CPEB2: variants seen among roughly 807,000 people sequenced by gnomAD.
CPEB2 encodes the protein cytoplasmic polyadenylation element binding protein 2, also known as cytoplasmic polyadenylation element-binding protein 2.
A neutral mutation model predicts 93.6 loss-of-function variants in CPEB2; 56 were observed. The ratio of observed to expected loss-of-function variants is 0.60; its 90% CI spans 0.48 to 0.75. CPEB2 has a LOEUF of 0.75. Ranked by LOEUF, CPEB2 falls within the 30% of genes least tolerant of loss-of-function variation. The pLI, the probability that CPEB2 is intolerant of heterozygous loss-of-function variation, is 0.00. For synonymous variants in CPEB2, 764 were observed against 586.3 expected (o/e 1.30, Z -4.38); for missense variants, 1,579 against 1,395.1 (o/e 1.13, Z -2.10).
intron 4 of CPEB2, among the ~76,000 whole-genome samples, chr4:15,022,156 A>T (rs1724883606): frequency 1.3e-5 from 2 of 152,318 alleles, no homozygotes; most frequent in South Asian, 4.1e-4. Flanking sequence ...CCACCCTAGA[A>T]GTGGTGTAGT....
At position 15,003,877 on chromosome 4, in the gene CPEB2, C is replaced by A. The variant is rs1281092206; in HGVS notation, c.1204C>A (p.Pro402Thr). 7.0e-6 allele frequency: 6 copies of A among 862,766 alleles called. No homozygotes were observed. Among genetic ancestry groups the A allele is most frequent in the Non-Finnish European group, 7.7e-6 (5 of 653,162 alleles). The allele number at this position is 862,766 out of a possible 1,614,324, so 53.4% of individuals were successfully genotyped here. The change falls in exon 1 of 12, where the codon CCG (proline) becomes ACG (threonine). Residue 402 changes from proline to threonine, a missense_variant. Around this residue, in one of 2 missense-constraint regions of CPEB2, gnomAD observed 1,411 missense variants for 1,056.0 expected, o/e 1.34. Coordinates refer to ENST00000538197, the MANE Select transcript of CPEB2 (RefSeq NM_001177382.2). The part of the protein sequence containing the change: ...PQPQQPPPTQ[P>T]QQQPPPPQQP... ...GCCCCAGCAGCCGCCGCCGACCCAG[C>A]CGCAGCAGCAGCCGCCGCCACCCCA...
At position 15,059,402 on chromosome 4, in the gene CPEB2, A is replaced by T. The variant is rs878951677; in HGVS notation, c.2695+101A>T. The T allele has an allele frequency of 1.4e-4, 97 of 706,186 alleles. No homozygotes were observed. The South Asian group carries it at 1.9e-3, about 14-fold the overall frequency. The allele number at this position is 706,186 out of a possible 1,614,324, so 43.7% of individuals were successfully genotyped here. A position where few individuals can be genotyped will look rare whatever the true frequency, so the allele number is the denominator to read the frequency against. On this transcript the variant is annotated intron_variant, in intron 10 of 11. Transcript: ENST00000538197. ...GCTATTGTGTACATGACACTATTGG[A>T]CAGAGCAGGAGCAGATTCTGCATGC...
At position 15,003,772 on chromosome 4, in the gene CPEB2, G is replaced by A; in HGVS notation, c.1099G>A (p.Gly367Arg). The change falls in exon 1 of 12, where the codon GGA becomes AGA. Residue 367 changes from glycine (G) to arginine (R), a missense_variant. By Grantham distance (125) the Gly-to-Arg change is moderately radical. Around this residue, in one of 2 missense-constraint regions of CPEB2, gnomAD observed 1,411 missense variants for 1,056.0 expected, o/e 1.34. Coordinates refer to ENST00000538197, the MANE Select transcript of CPEB2 (RefSeq NM_001177382.2). Reference sequence around the variant, plus strand: ...CGGGGGGCCCCCAGGAGGCGGAGGGGGAGGCGGCTCCGCGTCGCCGCCGCC... The same window carrying A: ...CGGGGGGCCCCCAGGAGGCGGAGGGAGAGGCGGCTCCGCGTCGCCGCCGCC... Reference protein sequence around the residue: ...GGGGPPGGGGGGGSASPPPLP... With the variant: ...GGGGPPGGGGRGGSASPPPLP... 4 of 1,199,530 alleles carry A rather than the reference G, an allele frequency of 3.3e-6. No individual in the cohort carries two copies. Among genetic ancestry groups the A allele is most frequent in the Non-Finnish European group, 4.1e-6 (4 of 964,300 alleles). 74.3% of individuals were successfully genotyped at this position (1,199,530 alleles called of 1,614,324 possible). A position where few individuals can be genotyped will look rare whatever the true frequency, so the allele number is the denominator to read the frequency against.
At chr4:15,061,377 G>A (rs200400250) in intron 10 of CPEB2, among the ~76,000 whole-genome samples, 2 of 152,094 alleles carry the variant, frequency 1.3e-5, no homozygotes, top group East Asian at 3.9e-4. Flanking sequence ...TGAGGTAGGA[G>A]CAGAATTAGT....
chr4:15,002,880 C>G lies in CPEB2; in HGVS notation c.207C>G (p.Leu69=), dbSNP rs866709367. The G allele has an allele frequency of 2.0e-6, 3 of 1,518,954 alleles. No homozygotes were observed. The highest frequency in any genetic ancestry group is 1.9e-4 in the Middle Eastern group (1 of 5,384). 94.1% of individuals were successfully genotyped at this position (1,518,954 alleles called of 1,614,324 possible). A position where few individuals can be genotyped will look rare whatever the true frequency, so the allele number is the denominator to read the frequency against. The change falls in exon 1 of 12, where the codon CTC becomes CTG. Residue 69 remains leucine, a synonymous_variant. Coordinates refer to ENST00000538197, the MANE Select transcript of CPEB2 (RefSeq NM_001177382.2). ...LEAASPFSVP[L]GGGAGSPAAA... is the part of the protein sequence containing the mutation. ...CCGCCTCCCCCTTCTCCGTCCCCCT[C>G]GGCGGCGGCGCGGGCAGCCCGGCCG... is the stretch of plus-strand genomic sequence containing the variant.
At chr4:15,027,597 G>A (rs1421108436) in intron 4 of CPEB2, among the ~76,000 whole-genome samples, 1 of 151,990 alleles carries the variant, frequency 6.6e-6, no homozygotes, top group Non-Finnish European at 1.5e-5. Context: ...TTTCCTAATT[G>A]GATTTGGAAG....
chr4:15,027,274 T>TA (rs1224192388), intron 4 of CPEB2, among the ~76,000 whole-genome samples: 1 of 152,200 alleles, frequency 6.6e-6, no homozygotes, highest in Admixed American at 6.5e-5. Context: ...CCAAAAAATT[T>TA]ATGATAGGAT....
chr4:15,021,124 C>T (rs922717315), intron 4 of CPEB2, among the ~76,000 whole-genome samples: 3 of 152,110 alleles, frequency 2.0e-5, no homozygotes, highest in East Asian at 1.9e-4. Flanking sequence ...TTAACACTGT[C>T]GAGAGTGTGC....
chr4:15,027,025 A>G (rs1001875897), intron 4 of CPEB2, among the ~76,000 whole-genome samples: 1 of 152,204 alleles, frequency 6.6e-6, no homozygotes, highest in African/African-American at 2.4e-5. Context: ...TTTTGCAACC[A>G]TTAACTCAAC....
At chr4:15,028,641 T>G (rs192438568) in intron 4 of CPEB2, among the ~76,000 whole-genome samples, 38 of 152,172 alleles carry the variant, frequency 2.5e-4, no homozygotes, top group Non-Finnish European at 5.0e-4. Flanking sequence ...AAGAAGCTGC[T>G]ATTTTAGACA....
At chr4:15,053,773 A>G (rs1728462360) in intron 7 of CPEB2, among the ~76,000 whole-genome samples, 2 of 152,176 alleles carry the variant, frequency 1.3e-5, no homozygotes, top group Non-Finnish European at 2.9e-5. Flanking sequence ...TTTGTGAAGC[A>G]GTAATAGATT....
chr4:15,026,787 T>C (rs1725524806), intron 4 of CPEB2, among the ~76,000 whole-genome samples: 2 of 152,258 alleles, frequency 1.3e-5, no homozygotes, highest in African/African-American at 2.4e-5. Context: ...CATTCTGGTA[T>C]AGTTGAACAT....
intron 3 of CPEB2, among the ~76,000 whole-genome samples, chr4:15,013,235 A>G (rs796842393): frequency 3.9e-5 from 6 of 152,122 alleles, no homozygotes; most frequent in African/African-American, 1.2e-4. Context: ...AATGTTTTCT[A>G]ATCATTTTAT....
intron 5 of CPEB2, among the ~76,000 whole-genome samples, chr4:15,035,639 A>C (rs905875032): frequency 6.6e-6 from 1 of 152,242 alleles, no homozygotes; most frequent in East Asian, 1.9e-4. Flanking sequence ...AGTAGCCAAC[A>C]AAGATGGCCC....
intron 1 of CPEB2, among the ~76,000 whole-genome samples, chr4:15,005,485 G>A (rs746035830): frequency 1.2e-4 from 19 of 152,218 alleles, no homozygotes; most frequent in Non-Finnish European, 2.6e-4. Context: ...GTGACCGCTA[G>A]ATTGGTAAAT....
At chr4:15,015,155 C>T (rs1723973999) in intron 3 of CPEB2, among the ~76,000 whole-genome samples, 1 of 152,054 alleles carries the variant, frequency 6.6e-6, no homozygotes, top group South Asian at 2.1e-4. Flanking sequence ...GTTAGAAATA[C>T]ATACTCTCAG....
intron 4 of CPEB2, 161 bp downstream of exon 4, chr4:15,017,439 T>A: frequency 2.2e-6 from 1 of 458,078 alleles, no homozygotes; most frequent in Non-Finnish European, 3.9e-6. Context: ...AATGCCATAT[T>A]TTTCCTTTGT....
intron 3 of CPEB2, among the ~76,000 whole-genome samples, chr4:15,009,374 C>T (rs1344886915): frequency 6.6e-6 from 1 of 152,200 alleles, no homozygotes; most frequent in African/African-American, 2.4e-5. Flanking sequence ...ATTGTTTTAG[C>T]CAAGTCCTGC....
intron 6 of CPEB2, among the ~76,000 whole-genome samples, chr4:15,049,872 T>C (rs977349642): frequency 2.0e-5 from 3 of 152,212 alleles, no homozygotes; most frequent in African/African-American, 7.2e-5. Context: ...TCTAGGTAGC[T>C]AGCTCCCTCA....
Sources: allele counts gnomAD v4.1 joint callset (sites outside exome capture counted in the v4.1 genomes callset), GRCh38; gene constraint gnomAD v4.1.1; regional missense constraint gnomAD v4.1.1; transcripts MANE v1.5; gene names NCBI Gene and HGNC (gene_info 2026-07-23, HGNC 2026-07-21).